FGF12: variants seen among roughly 807,000 people sequenced by gnomAD.
The protein encoded by FGF12 is fibroblast growth factor 12.
In FGF12, 14 loss-of-function variants were observed where a neutral mutation model predicts 23.6. That is an observed-to-expected ratio of 0.59 (90% confidence interval 0.39 to 0.93). The LOEUF is 0.93. FGF12 is among the 40% of genes least tolerant of loss of function. The pLI is 0.00. For missense variants in FGF12, 175 were observed against 217.8 expected, an observed-to-expected ratio of 0.80 and a Z score of 1.24; for synonymous variants, 62 against 77.3, an observed-to-expected ratio of 0.80 and a Z score of 1.04.
chr3:192,460,581 G>A (rs965136451), intron 2 of FGF12, among the ~76,000 whole-genome samples: 84 of 151,550 alleles, frequency 5.5e-4, no homozygotes, highest in African/African-American at 2.0e-3. Context: ...GACGCTTTCC[G>A]AATCTCCCCT....
rs1560102504 is a variant in FGF12, at chr3:192,408,263, GCCCTCC to G, written c.14-47731_14-47726del. On this transcript the variant is annotated intron_variant, in intron 2 of 5. Transcript: ENST00000445105. The surrounding 1 kb of genome is among the most constrained non-coding windows in gnomAD (Gnocchi z 7.3). ...GGCCTCAGGCCCCAGCCTCTACTGC[GCCCTCC>G]GGCTTGCGCTCCGCCGGGGCGAGGG... 1 of 1,533,838 alleles carries G rather than the reference GCCCTCC, an allele frequency of 6.5e-7. No individual in the cohort carries two copies. Among genetic ancestry groups the G allele is most frequent in the East Asian group, 2.3e-5 (1 of 43,126 alleles).
chr3:192,577,096 C>T (rs1056931293), intron 2 of FGF12, among the ~76,000 whole-genome samples: 43 of 152,058 alleles, frequency 2.8e-4, no homozygotes, highest in African/African-American at 1.0e-3. Flanking sequence ...AGGAGAAATA[C>T]CTAATGTAGA....
intron 3 of FGF12, among the ~76,000 whole-genome samples, chr3:192,341,911 G>GCAGGACCTTGGCC (rs1717707470): frequency 6.6e-6 from 1 of 151,910 alleles, no homozygotes; most frequent in African/African-American, 2.4e-5. Context: ...AACATTTGGA[G>GCAGGACCTTGGCC]TTAACATACA....
At chr3:192,292,886 C>A (rs1714832713) in intron 4 of FGF12, among the ~76,000 whole-genome samples, 2 of 152,270 alleles carry the variant, frequency 1.3e-5, no homozygotes, top group South Asian at 4.1e-4. Flanking sequence ...AAACGATCCT[C>A]CCACTTCAGC....
chr3:192,701,854 CAGAT>C (rs1287108400), intron 2 of FGF12, among the ~76,000 whole-genome samples: 2 of 152,126 alleles, frequency 1.3e-5, no homozygotes, highest in Non-Finnish European at 2.9e-5. Context: ...TCCATCATCT[CAGAT>C]AGCATTTTTT....
chr3:192,569,245 G>C (rs1396715909), intron 2 of FGF12, among the ~76,000 whole-genome samples: 3 of 152,166 alleles, frequency 2.0e-5, no homozygotes, highest in Non-Finnish European at 2.9e-5. Flanking sequence ...GTCAGTGTAG[G>C]TTAAGCTGTG....
chr3:192,157,015 C>G (rs58998236), intron 5 of FGF12, among the ~76,000 whole-genome samples: 375 of 152,314 alleles, frequency 2.5e-3, no homozygotes, highest in African/African-American at 8.8e-3. Context: ...ACCCAGCTTT[C>G]TGAGTGAAAA....
chr3:192,472,116 A>C (rs1277385576), intron 2 of FGF12, among the ~76,000 whole-genome samples: 2 of 152,120 alleles, frequency 1.3e-5, no homozygotes, highest in Non-Finnish European at 2.9e-5. Context: ...TCTCGGGTTC[A>C]AGCAATTCTC....
chr3:192,398,681 T>G (rs1720630407), intron 2 of FGF12, among the ~76,000 whole-genome samples: 2 of 152,174 alleles, frequency 1.3e-5, no homozygotes, highest in East Asian at 3.8e-4. Context: ...CTCTTATATA[T>G]TCTTATATAT....
At chr3:192,311,733 A>T (rs1006726210) in intron 4 of FGF12, among the ~76,000 whole-genome samples, 5 of 152,216 alleles carry the variant, frequency 3.3e-5, no homozygotes, top group Non-Finnish European at 5.9e-5. Flanking sequence ...ACTGTCTTAC[A>T]AAATGCCTGC....
chr3:192,540,584 C>T (rs1053211165), intron 2 of FGF12, among the ~76,000 whole-genome samples: 1 of 152,004 alleles, frequency 6.6e-6, no homozygotes, highest in African/African-American at 2.4e-5. Context: ...GAGAATGATC[C>T]ATGTACTGAG....
chr3:192,396,571 C>G (rs1007668199), intron 2 of FGF12, among the ~76,000 whole-genome samples: 1 of 152,164 alleles, frequency 6.6e-6, no homozygotes, highest in African/African-American at 2.4e-5. Flanking sequence ...TTTCTTTCTT[C>G]CATGAGGTGG....
intron 4 of FGF12, among the ~76,000 whole-genome samples, chr3:192,309,108 C>T (rs1195257446): frequency 1.3e-5 from 2 of 152,040 alleles, no homozygotes; most frequent in Non-Finnish European, 2.9e-5. Flanking sequence ...AATTTTAAAG[C>T]AAAGATGTAA....
chr3:192,173,300 T>C (rs1359915558), intron 4 of FGF12, among the ~76,000 whole-genome samples: 1 of 150,508 alleles, frequency 6.6e-6, no homozygotes, highest in Non-Finnish European at 1.5e-5. Flanking sequence ...GATATCTCAA[T>C]GAAAAAAAAT....
At chr3:192,600,139 G>A (rs1714051491) in intron 2 of FGF12, among the ~76,000 whole-genome samples, 1 of 152,044 alleles carries the variant, frequency 6.6e-6, no homozygotes, top group East Asian at 1.9e-4. Flanking sequence ...AATTATTGAA[G>A]AAATTGTCCT....
At chr3:192,400,663 C>T (rs146312117) in intron 2 of FGF12, among the ~76,000 whole-genome samples, 214 of 152,034 alleles carry the variant, frequency 1.4e-3, no homozygotes, top group African/African-American at 5.0e-3. Flanking sequence ...CACCGCACCC[C>T]GTCCCCACCT....
At chr3:192,592,478 C>T (rs534965132) in intron 2 of FGF12, among the ~76,000 whole-genome samples, 1 of 151,814 alleles carries the variant, frequency 6.6e-6, no homozygotes, top group South Asian at 2.1e-4. Context: ...CTGGTTTTTT[C>T]CCCTCCTATC....
intron 2 of FGF12, among the ~76,000 whole-genome samples, chr3:192,669,602 T>TAAAAAAAAAA (rs59897483): frequency 6.7e-5 from 4 of 59,528 alleles, no homozygotes; most frequent in South Asian, 7.2e-4. Context: ...GACTCTGTCT[T>TAAAAAAAAAA]AAAAAAAAAA....
At chr3:192,579,382 C>A (rs1713040468) in intron 2 of FGF12, among the ~76,000 whole-genome samples, 1 of 152,092 alleles carries the variant, frequency 6.6e-6, no homozygotes, top group Non-Finnish European at 1.5e-5. Flanking sequence ...AACTCATTCT[C>A]AAGATACATT....
Sources: allele counts gnomAD v4.1 joint callset (sites outside exome capture counted in the v4.1 genomes callset), GRCh38; gene constraint gnomAD v4.1.1; non-coding constraint Gnocchi (gnomAD v3.1); transcripts MANE v1.5; gene names NCBI Gene and HGNC (gene_info 2026-07-23, HGNC 2026-07-21).